RBM6: variants seen among roughly 807,000 people sequenced by gnomAD.
The protein encoded by RBM6 is RNA-binding protein 6.
A neutral mutation model predicts 140.4 loss-of-function variants in RBM6; 23 were observed. The ratio of observed to expected loss-of-function variants is 0.16; its 90% CI spans 0.12 to 0.23. The LOEUF is 0.23. Ranked by LOEUF, RBM6 falls within the 10% of genes least tolerant of loss-of-function variation. The probability of loss-of-function intolerance (pLI) is 1.00; values close to 1 mark genes in which losing one functional copy is unlikely to be tolerated. For synonymous variants in RBM6, 439 were observed against 475.6 expected (o/e 0.92, Z 1.00); for missense variants, 1,139 against 1,386.7 (o/e 0.82, Z 2.84).
At chr3:49,966,879 G>A (rs559260032) in intron 2 of RBM6, among the ~76,000 whole-genome samples, 6 of 152,232 alleles carry the variant, frequency 3.9e-5, no homozygotes, top group Admixed American at 6.5e-5. Flanking sequence ...TGCTCAGCTG[G>A]TGAACACTGG....
intron 17 of RBM6, among the ~76,000 whole-genome samples, chr3:50,067,463 G>A (rs946479481): frequency 5.3e-5 from 8 of 152,164 alleles, no homozygotes; most frequent in Non-Finnish European, 1.0e-4. Context: ...TGTCATTAAC[G>A]TTACAGTTGG....
At chr3:50,016,064 T>G (rs1488373881) in intron 6 of RBM6, among the ~76,000 whole-genome samples, 1 of 152,250 alleles carries the variant, frequency 6.6e-6, no homozygotes, top group Non-Finnish European at 1.5e-5. Flanking sequence ...CTTTATACTC[T>G]TTGACTAACA....
chr3:49,970,893 G>A (rs1439342705), intron 3 of RBM6, among the ~76,000 whole-genome samples: 1 of 152,102 alleles, frequency 6.6e-6, no homozygotes, highest in Non-Finnish European at 1.5e-5. Flanking sequence ...ACTTTGGGAG[G>A]CAAAGGTGGG....
intron 1 of RBM6, chr3:49,940,823 G>T (rs1005368525): frequency 6.7e-6 from 1 of 149,986 alleles, no homozygotes; most frequent in Admixed American, 6.6e-5. Flanking sequence ...CATTAGCGGT[G>T]TAAATAGATG....
Position 50,039,495 on chromosome 3 carries a change from C to T in RBM6, c.1558-8750C>T, listed in dbSNP as rs909363087. 3.2e-5 allele frequency among the ~76,000 whole-genome samples: 4 copies of T among 125,488 alleles called. No individual in the cohort carries two copies. The South Asian group carries it at 7.7e-4, about 24-fold the overall frequency. The allele number at this position is 125,488 out of a possible 152,430, so 82.3% of individuals were successfully genotyped here. A position where few individuals can be genotyped will look rare whatever the true frequency, so the allele number is the denominator to read the frequency against. Reference sequence around the variant, plus strand: ...CTCAGGTGATCCACCCCCCCCCCCCCCACCCTTGGTCTCCCAAAGTGCTGG... The same window carrying T: ...CTCAGGTGATCCACCCCCCCCCCCCTCACCCTTGGTCTCCCAAAGTGCTGG... On this transcript the variant is annotated intron_variant, in intron 6 of 20. Coordinates refer to ENST00000266022, the MANE Select transcript of RBM6 (RefSeq NM_005777.3).
At position 50,077,169 on chromosome 3, in the gene RBM6, CTTGTT is replaced by C. The variant is rs775196786; in HGVS notation, c.*43_*47del. 5.1e-6 allele frequency: 8 copies of C among 1,573,482 alleles called. No homozygotes were observed. In the African/African-American group the frequency reaches 8.3e-5, roughly 16 times the overall value. On this transcript the variant is annotated 3_prime_UTR_variant, in exon 21 of 21. Coordinates refer to ENST00000266022, the MANE Select transcript of RBM6 (RefSeq NM_005777.3). ...AAGTTCCATGGGATACAACCTCCCT[CTTGTT>C]TTGTTTGTCTCTCCTTTTCTTTTGT...
intron 6 of RBM6, among the ~76,000 whole-genome samples, chr3:50,001,007 C>T (rs746674028): frequency 6.6e-6 from 1 of 152,070 alleles, no homozygotes; most frequent in Non-Finnish European, 1.5e-5. Context: ...GACCATATCC[C>T]CTAGACTTAA....
intron 1 of RBM6, among the ~76,000 whole-genome samples, chr3:49,945,176 A>ATTTTTTTTT (rs34249907): frequency 2.8e-4 from 34 of 122,122 alleles, no homozygotes; most frequent in African/African-American, 1.0e-3. Context: ...CGCCCGGCCA[A>ATTTTTTTTT]TTTTTTTTTT....
chr3:50,033,690 G>A (rs917751377), intron 6 of RBM6, among the ~76,000 whole-genome samples: 2 of 152,066 alleles, frequency 1.3e-5, no homozygotes, highest in Non-Finnish European at 2.9e-5. Flanking sequence ...TCTGTCACCA[G>A]GTGGAGTGCA....
At chr3:50,032,724 C>T (rs568644085) in intron 6 of RBM6, among the ~76,000 whole-genome samples, 4 of 152,184 alleles carry the variant, frequency 2.6e-5, no homozygotes, top group East Asian at 1.9e-4. Flanking sequence ...CGGTGGCTCA[C>T]GCCTATAATC....
chr3:50,073,884 C>T (rs146021336), intron 19 of RBM6, among the ~76,000 whole-genome samples: 18 of 150,076 alleles, frequency 1.2e-4, no homozygotes, highest in African/African-American at 3.9e-4. Flanking sequence ...CAGTCTCATT[C>T]TGTCGCCCAG....
At chr3:50,034,440 C>G (rs1412390130) in intron 6 of RBM6, among the ~76,000 whole-genome samples, 1 of 152,156 alleles carries the variant, frequency 6.6e-6, no homozygotes, top group Non-Finnish European at 1.5e-5. Context: ...ATAACTCTTT[C>G]CATTCTGCAG....
intron 6 of RBM6, among the ~76,000 whole-genome samples, chr3:50,035,328 C>T (rs1224846985): frequency 3.9e-5 from 6 of 152,012 alleles, no homozygotes; most frequent in Non-Finnish European, 7.4e-5. Flanking sequence ...AGCCTTTCAA[C>T]AGGATAGAGA....
At chr3:50,024,586 G>A (rs1312919886) in intron 6 of RBM6, among the ~76,000 whole-genome samples, 2 of 151,440 alleles carry the variant, frequency 1.3e-5, no homozygotes, top group South Asian at 2.1e-4. Flanking sequence ...GTGTAACTGC[G>A]ATTTGTTCAT....
chr3:49,953,342 C>T (rs2083825586), intron 1 of RBM6, among the ~76,000 whole-genome samples: 1 of 151,914 alleles, frequency 6.6e-6, no homozygotes, highest in Admixed American at 6.6e-5. Context: ...CCCTCAGCCT[C>T]CTGAGTAGCT....
chr3:50,050,268 A>G (rs1224133958), intron 7 of RBM6, among the ~76,000 whole-genome samples: 3 of 152,166 alleles, frequency 2.0e-5, no homozygotes, highest in Non-Finnish European at 2.9e-5. Flanking sequence ...TCTTTTTTCT[A>G]TCTCCATGGA....
At chr3:49,980,834 A>G (rs187648573) in intron 5 of RBM6, among the ~76,000 whole-genome samples, 54 of 151,940 alleles carry the variant, frequency 3.6e-4, no homozygotes, top group African/African-American at 1.2e-3. Context: ...TTATTATTGC[A>G]ATTTTTTTGT....
intron 1 of RBM6, among the ~76,000 whole-genome samples, chr3:49,942,234 A>G (rs2083316131): frequency 6.6e-6 from 1 of 152,160 alleles, no homozygotes; most frequent in Non-Finnish European, 1.5e-5. Context: ...TCACGCCTGT[A>G]ATCCCAGCAC....
intron 6 of RBM6, among the ~76,000 whole-genome samples, chr3:50,010,042 A>C (rs1037084561): frequency 2.0e-5 from 3 of 151,844 alleles, no homozygotes; most frequent in African/African-American, 7.3e-5. Flanking sequence ...GCACACCACC[A>C]CACCTGGCTA....
Sources: gnomAD v4.1 joint callset for allele counts (sites outside exome capture counted in the v4.1 genomes callset) on GRCh38, gnomAD v4.1.1 for gene constraint, MANE v1.5 for transcripts, NCBI Gene and HGNC (gene_info 2026-07-23, HGNC 2026-07-21) for gene names.